Variants in GARIN1B observed in about 807,000 individuals in gnomAD.
The protein encoded by GARIN1B is Golgi-associated RAB2 interactor protein 1B.
the GARIN1B span, among the ~76,000 whole-genome samples, chr7:128,721,944 C>T: frequency 5.9e-5 from 9 of 151,910 alleles, no homozygotes; most frequent in Non-Finnish European, 1.2e-4. Flanking sequence ...TGTGTTCCTG[C>T]GATAAAATCT....
the GARIN1B span, among the ~76,000 whole-genome samples, chr7:128,724,143 T>C: frequency 6.6e-6 from 1 of 151,966 alleles, no homozygotes; most frequent in African/African-American, 2.4e-5. Flanking sequence ...CCCAAGTAGC[T>C]GGGATTACAG....
At chr7:128,723,498 A>T in the GARIN1B span, 2 of 494,352 alleles carry the variant, frequency 4.0e-6, no homozygotes, top group Non-Finnish European at 3.3e-6. Flanking sequence ...GGATTGCTTG[A>T]GGTCAGGAAT....
the GARIN1B span, among the ~76,000 whole-genome samples, chr7:128,710,368 T>G: frequency 6.6e-6 from 1 of 152,202 alleles, no homozygotes; most frequent in African/African-American, 2.4e-5. Flanking sequence ...CTTTTTTTGG[T>G]TTGTTTCAGA....
chr7:128,727,746 A>G, the GARIN1B span, among the ~76,000 whole-genome samples: 5 of 148,178 alleles, frequency 3.4e-5, no homozygotes, highest in East Asian at 8.0e-4. Flanking sequence ...TCCCCCATCC[A>G]CTCCCTTCCC....
chr7:128,723,223 C>T, the GARIN1B span: 1 of 1,612,374 alleles, frequency 6.2e-7, no homozygotes, highest in East Asian at 2.2e-5. Context: ...TCCAAGCCTC[C>T]CAGCCCAGCG....
the GARIN1B span, among the ~76,000 whole-genome samples, chr7:128,710,457 T>C: frequency 6.6e-6 from 1 of 152,238 alleles, no homozygotes; most frequent in African/African-American, 2.4e-5. Flanking sequence ...TCAATCTGTA[T>C]GTTGGATCAA....
At chr7:128,719,037 A>G in the GARIN1B span, 1 of 1,613,952 alleles carries the variant, frequency 6.2e-7, no homozygotes, top group East Asian at 2.2e-5. Flanking sequence ...CTTGTCACGC[A>G]CTGCCTGGTA....
the GARIN1B span, among the ~76,000 whole-genome samples, chr7:128,717,396 T>A: frequency 6.6e-6 from 1 of 152,018 alleles, no homozygotes; most frequent in Non-Finnish European, 1.5e-5. Context: ...AAATCACAAG[T>A]TATTTGCTGC....
At chr7:128,715,423 C>T in the GARIN1B span, 1 of 1,611,002 alleles carries the variant, frequency 6.2e-7, no homozygotes, top group Admixed American at 1.7e-5. Context: ...GTGCAGCAGG[C>T]CCCTGAGCAT....
chr7:128,716,797 G>C, the GARIN1B span: 11 of 1,590,742 alleles, frequency 6.9e-6, no homozygotes, highest in Non-Finnish European at 9.4e-6. Context: ...GGTTGTGCCT[G>C]GGGGCTGTGT....
At chr7:128,716,323 T>C in the GARIN1B span, among the ~76,000 whole-genome samples, 1 of 152,042 alleles carries the variant, frequency 6.6e-6, no homozygotes, top group Non-Finnish European at 1.5e-5. Flanking sequence ...ACCTTCCTGT[T>C]CAGTGAAGGT....
the GARIN1B span, among the ~76,000 whole-genome samples, chr7:128,712,041 AAAAAAC>A: frequency 6.6e-5 from 10 of 152,254 alleles, no homozygotes; most frequent in African/African-American, 2.4e-4. Context: ...ACTCCGCCTC[AAAAAAC>A]AAAAACAAAA....
the GARIN1B span, among the ~76,000 whole-genome samples, chr7:128,718,211 T>C: frequency 6.6e-6 from 1 of 152,162 alleles, no homozygotes; most frequent in South Asian, 2.1e-4. Context: ...GGCAGGTGGA[T>C]CGCCTAAGGT....
chr7:128,726,882 G>A, the GARIN1B span: 1 of 1,613,006 alleles, frequency 6.2e-7, no homozygotes. Flanking sequence ...GTAAGGGAGG[G>A]CACAGGGTAC....
chr7:128,710,244 C>T, the GARIN1B span, among the ~76,000 whole-genome samples: 2 of 152,166 alleles, frequency 1.3e-5, no homozygotes, highest in Non-Finnish European at 2.9e-5. Flanking sequence ...AGAGCAGTAA[C>T]ACTTAGCTAG....
At chr7:128,715,308 G>C in the GARIN1B span, 2 of 1,483,054 alleles carry the variant, frequency 1.3e-6, no homozygotes, top group Non-Finnish European at 1.8e-6. Flanking sequence ...GGTCTGTCCT[G>C]GTTTTTCATG....
At chr7:128,712,962 T>C in the GARIN1B span, among the ~76,000 whole-genome samples, 8 of 152,188 alleles carry the variant, frequency 5.3e-5, no homozygotes, top group African/African-American at 1.9e-4. Context: ...AATGTAATCT[T>C]TCTTACAGGA....
chr7:128,717,113 AT>A, the GARIN1B span: 2 of 963,202 alleles, frequency 2.1e-6, no homozygotes, highest in Non-Finnish European at 3.0e-6. Context: ...AGTGACATTG[AT>A]TTTTTTAGAC....
the GARIN1B span, among the ~76,000 whole-genome samples, chr7:128,729,381 A>G: frequency 6.6e-6 from 1 of 152,194 alleles, no homozygotes; most frequent in Non-Finnish European, 1.5e-5. Flanking sequence ...AGATCTTGTT[A>G]AAAGGCAGAT....
Sources: allele counts gnomAD v4.1 joint callset (sites outside exome capture counted in the v4.1 genomes callset), GRCh38; gene constraint gnomAD v4.1.1; transcripts MANE v1.5; gene names NCBI Gene and HGNC (gene_info 2026-07-23, HGNC 2026-07-21).